The following CAMK2A variants were observed in gnomAD, a reference collection of about 807,000 sequenced individuals.
The protein encoded by CAMK2A is calcium/calmodulin dependent protein kinase II alpha.
A neutral mutation model predicts 79.2 loss-of-function variants in CAMK2A; 7 were observed. The observed-to-expected ratio is 0.09, with a 90% CI of 0.05 to 0.17. The LOEUF is 0.17. Ranked by LOEUF, CAMK2A falls within the 10% of genes least tolerant of loss-of-function variation. The pLI is 1.00. For missense variants in CAMK2A, 214 were observed against 646.4 expected, an observed-to-expected ratio of 0.33 and a Z score of 7.25; for synonymous variants, 242 against 251.7, an observed-to-expected ratio of 0.96 and a Z score of 0.36.
chr5:150,238,938 A>T (rs906720681), intron 14 of CAMK2A, among the ~76,000 whole-genome samples, 190 bp from the exon 15 acceptor site: 4 of 152,138 alleles, frequency 2.6e-5, no homozygotes, highest in Non-Finnish European at 5.9e-5. Context: ...GCAGGTGGCC[A>T]GGGGCCGGGT....
At chr5:150,276,136 C>T (rs1756934815) in intron 1 of CAMK2A, among the ~76,000 whole-genome samples, 1 of 152,162 alleles carries the variant, frequency 6.6e-6, no homozygotes, top group Admixed American at 6.5e-5. Flanking sequence ...CTGTTAGTAC[C>T]CCCATCACTT....
rs1754328696 is a variant in CAMK2A at position 150,221,926 on chromosome 5, T to C, written c.*784A>G. The C allele has an allele frequency of 4.0e-6, 1 of 249,942 alleles. No individual in the cohort carries two copies. The highest frequency in any genetic ancestry group is 1.7e-4 in the South Asian group (1 of 5,974). 15.5% of individuals were successfully genotyped at this position (249,942 alleles called of 1,614,324 possible). On this transcript the variant is annotated 3_prime_UTR_variant, in exon 19 of 19. Coordinates refer to ENST00000671881, the MANE Select transcript of CAMK2A (RefSeq NM_015981.4). The stretch of plus-strand genomic sequence containing the variant: ...AATTTGGCTATAAAAAGGCATGCGG[T>C]CCAAGTAGAAGTGATACCTAAACGT...
chr5:150,282,211 G>A (rs1238750234), intron 1 of CAMK2A, among the ~76,000 whole-genome samples: 1 of 152,062 alleles, frequency 6.6e-6, no homozygotes, highest in East Asian at 1.9e-4. Flanking sequence ...GTCCCACACT[G>A]CCCCCCGCCC....
At chr5:150,267,523 A>G (rs1756560745) in intron 2 of CAMK2A, among the ~76,000 whole-genome samples, 1 of 152,250 alleles carries the variant, frequency 6.6e-6, no homozygotes, top group South Asian at 2.1e-4. Flanking sequence ...AAATGCTAGG[A>G]ACTAATTGTA....
chr5:150,265,706 C>A (rs946098495), intron 2 of CAMK2A, among the ~76,000 whole-genome samples: 14 of 152,226 alleles, frequency 9.2e-5, no homozygotes, highest in African/African-American at 3.4e-4. Flanking sequence ...CATTGAGAGG[C>A]CGAGGCAAGT....
At chr5:150,254,451 G>A (rs562409040) in intron 6 of CAMK2A, among the ~76,000 whole-genome samples, 4 of 152,320 alleles carry the variant, frequency 2.6e-5, no homozygotes, top group African/African-American at 9.6e-5. Flanking sequence ...GCTGGTAAGG[G>A]ATAGAGCCAG....
intron 1 of CAMK2A, among the ~76,000 whole-genome samples, chr5:150,286,123 G>C (rs1485283863): frequency 6.6e-6 from 1 of 152,212 alleles, no homozygotes; most frequent in African/African-American, 2.4e-5. Context: ...AAGCTTCGGT[G>C]CCGCTAGGAT....
intron 17 of CAMK2A, among the ~76,000 whole-genome samples, chr5:150,225,054 G>A (rs1245390268): frequency 6.6e-6 from 1 of 151,002 alleles, no homozygotes; most frequent in East Asian, 1.9e-4. Context: ...GAGAGAGAGA[G>A]AGAGAGAGAG....
chr5:150,280,566 C>T (rs967796150), intron 1 of CAMK2A, among the ~76,000 whole-genome samples: 5 of 152,276 alleles, frequency 3.3e-5, no homozygotes, highest in African/African-American at 1.2e-4. Flanking sequence ...ATGAACCCAC[C>T]ACAATCTGGC....
rs1259727817 is a variant in CAMK2A at position 150,219,880 on chromosome 5, TTATTA to T, written c.*2825_*2829del. 1 of 131,596 alleles carries T rather than the reference TTATTA, an allele frequency of 7.6e-6. No homozygotes were observed. The highest frequency in any genetic ancestry group is 2.6e-5 in the African/African-American group (1 of 38,192). 8.2% of individuals were successfully genotyped at this position (131,596 alleles called of 1,614,324 possible). A position where few individuals can be genotyped will look rare whatever the true frequency, so the allele number is the denominator to read the frequency against. On this transcript the variant is annotated 3_prime_UTR_variant, in exon 19 of 19. Coordinates refer to ENST00000671881, the MANE Select transcript of CAMK2A (RefSeq NM_015981.4). The stretch of plus-strand genomic sequence containing the variant: ...ATTTTTATTTATTTATTTATTATTA[TTATTA>T]TTATTATTTTGCATCTAAAGGATGT...
chr5:150,233,967 C>T (rs1197150770), intron 15 of CAMK2A, among the ~76,000 whole-genome samples: 1 of 152,118 alleles, frequency 6.6e-6, no homozygotes, highest in African/African-American at 2.4e-5. Context: ...CATGCACCAC[C>T]ACGCCCAGCT....
chr5:150,288,091 G>A (rs978397660), intron 1 of CAMK2A, among the ~76,000 whole-genome samples: 3 of 151,900 alleles, frequency 2.0e-5, no homozygotes, highest in Non-Finnish European at 4.4e-5. Flanking sequence ...TGTGAGCCCA[G>A]GCCTCACACA....
At chr5:150,261,727 T>C (rs556152016) in intron 3 of CAMK2A, among the ~76,000 whole-genome samples, 9 of 152,296 alleles carry the variant, frequency 5.9e-5, no homozygotes, top group African/African-American at 2.2e-4. Context: ...GGAGTCAGAC[T>C]TGCGGAGTTC....
chr5:150,247,541 C>T (rs1468129775), intron 12 of CAMK2A, among the ~76,000 whole-genome samples: 1 of 152,184 alleles, frequency 6.6e-6, no homozygotes, highest in African/African-American at 2.4e-5. Context: ...GAGTGGGCAG[C>T]CAGACTAAAT....
chr5:150,236,049 G>C (rs1043055601), intron 15 of CAMK2A, among the ~76,000 whole-genome samples: 2 of 152,014 alleles, frequency 1.3e-5, no homozygotes, highest in African/African-American at 2.4e-5. Context: ...CTCCTCCCTA[G>C]GCCTCAAATT....
At chr5:150,238,648 A>G in intron 15 of CAMK2A, 52 bp downstream of exon 15, 1 of 1,529,462 alleles carries the variant, frequency 6.5e-7, no homozygotes, top group Non-Finnish European at 8.9e-7. Context: ...AGGTCTGCTC[A>G]GAGCTGGTTC....
chr5:150,233,584 G>GTGAA (rs574028537), intron 15 of CAMK2A, among the ~76,000 whole-genome samples: 18 of 152,260 alleles, frequency 1.2e-4, no homozygotes, highest in African/African-American at 4.1e-4. Flanking sequence ...TACGTGTTGA[G>GTGAA]TGAATGAATG....
intron 3 of CAMK2A, among the ~76,000 whole-genome samples, chr5:150,262,471 G>A (rs1455579199): frequency 1.3e-5 from 2 of 152,140 alleles, no homozygotes; most frequent in African/African-American, 4.8e-5. Flanking sequence ...GGGTCTTCCT[G>A]TGCTGGATGC....
chr5:150,288,876 T>C (rs1041574396), intron 1 of CAMK2A, among the ~76,000 whole-genome samples: 5 of 152,164 alleles, frequency 3.3e-5, no homozygotes, highest in Non-Finnish European at 7.4e-5. Flanking sequence ...CAACTTTGCT[T>C]GTCCAGAGCC....
Sources: gnomAD v4.1 joint callset for allele counts (sites outside exome capture counted in the v4.1 genomes callset) on GRCh38, gnomAD v4.1.1 for gene constraint, MANE v1.5 for transcripts, NCBI Gene and HGNC (gene_info 2026-07-23, HGNC 2026-07-21) for gene names.